MOV10: variants seen among roughly 807,000 people sequenced by gnomAD.
The protein encoded by MOV10 is RNA helicase MOV-10.
In MOV10, 39 loss-of-function variants were observed where a neutral mutation model predicts 108.4. That is an observed-to-expected ratio of 0.36 (90% CI 0.28 to 0.47). The LOEUF (loss-of-function observed/expected upper bound fraction) is 0.47. Ranked by LOEUF, MOV10 falls within the 20% of genes least tolerant of loss-of-function variation. MOV10 has a pLI of 1.00. For missense variants in MOV10, 952 were observed against 1,297.6 expected (o/e 0.73, Z 4.09); for synonymous variants, 490 against 523.1 (o/e 0.94, Z 0.86).
In MOV10 at chr1:112,694,284, C is replaced by T; in HGVS notation, c.1295+112C>T. On this transcript the variant is annotated intron_variant, in intron 8 of 20. Transcript: ENST00000369645. The surrounding 1 kb of genome is among the most constrained non-coding windows in gnomAD (Gnocchi z 4.1). ...TGAGACCCCGGGGCAGAGCAGGAGA[C>T]TTTTCCTCAGGGGTACCCTGAGATG... 6.8e-7 allele frequency: 1 copy of T among 1,471,546 alleles called. No individual in the cohort carries two copies. 91.2% of individuals were successfully genotyped at this position (1,471,546 alleles called of 1,614,324 possible).
Position 112,700,441 on chromosome 1 carries a change from C to G in MOV10, c.2946C>G (p.Pro982=), listed in dbSNP as rs768179593. ...GGCCCCACAGCCATGACTACCTCCC[C>G]CAGGAGCGGGAGGGTGAAGGGGGCC... ...TSGPHSHDYL[P]QEREGEGGLS... is the part of the protein sequence containing the mutation. The change falls in exon 21 of 21, where the codon CCC becomes CCG. Residue 982 remains proline (P), a synonymous_variant. Transcript: ENST00000369645. 1.4e-5 allele frequency: 22 copies of G among 1,613,654 alleles called. No homozygotes were observed. The South Asian group carries it at 2.3e-4, about 17-fold the overall frequency.
At position 112,689,104 on chromosome 1, in the gene MOV10, C is replaced by T. The variant is rs1377443369; in HGVS notation, c.307C>T (p.His103Tyr). The change falls in exon 3 of 21, where the codon CAC becomes TAC. Residue 103 changes from histidine (H) to tyrosine (Y), a missense_variant. Physicochemically the swap from His to Tyr is moderately conservative, Grantham distance 83. Around this residue, in one of 5 missense-constraint regions of MOV10, gnomAD observed 374 missense variants for 468.6 expected, o/e 0.80. Coordinates refer to ENST00000369645, the MANE Select transcript of MOV10 (RefSeq NM_001321324.2). ...GCTGGGGTCAGATATCAGCAAACAC[C>T]ACAAGTCACTGCTAGCCAAGATCTT... ...MKLGSDISKH[H>Y]KSLLAKIFYD... 6 of 1,610,798 alleles carry T rather than the reference C, an allele frequency of 3.7e-6. No homozygotes were observed. Among genetic ancestry groups the T allele is most frequent in the Non-Finnish European group, 5.1e-6 (6 of 1,179,226 alleles).
At chr1:112,700,110 T>C (rs1455969523) in intron 19 of MOV10, 109 bp from the exon 20 acceptor site, 4 of 1,589,966 alleles carry the variant, frequency 2.5e-6, no homozygotes, top group South Asian at 1.1e-5. Context: ...AGCATCACTA[T>C]TGTATTTATA....
intron 20 of MOV10, 36 bp downstream of exon 20, chr1:112,700,376 A>G: frequency 6.2e-7 from 1 of 1,614,020 alleles, no homozygotes; most frequent in Non-Finnish European, 8.5e-7. Flanking sequence ...GTGCCAGAGG[A>G]GGTGGTAAGG....
At chr1:112,686,131 AG>A in intron 2 of MOV10, among the ~76,000 whole-genome samples, 1 of 151,960 alleles carries the variant, frequency 6.6e-6, no homozygotes, top group South Asian at 2.1e-4. Flanking sequence ...TTGATCTGGG[AG>A]CCTGGAGCCA....
Position 112,689,513 on chromosome 1 carries a change from G to C in MOV10, c.440G>C (p.Arg147Pro). 5 of 1,614,100 alleles carry C rather than the reference G, an allele frequency of 3.1e-6. No homozygotes were observed. Among genetic ancestry groups the C allele is most frequent in the Non-Finnish European group, 3.4e-6 (4 of 1,180,022 alleles). ...GQLLIRLDLNRKEVLTLRLRN... is the reference protein window; with the variant it reads ...GQLLIRLDLNPKEVLTLRLRN... ...CTCCTTATCCGCCTGGATTTGAACC[G>C]CAAAGAGGTGCTGACCCTGAGGCTT... The change falls in exon 4 of 21, where the codon CGC (arginine) becomes CCC (proline). Residue 147 changes from arginine (R) to proline (P), a missense_variant. This residue lies in a region of MOV10 where 374 missense variants were observed against 468.6 expected (regional missense o/e 0.80). Transcript: ENST00000369645.
At chr1:112,676,166 C>T (rs1672185798) in intron 2 of MOV10, among the ~76,000 whole-genome samples, 1 of 152,184 alleles carries the variant, frequency 6.6e-6, no homozygotes, top group Admixed American at 6.5e-5. Context: ...TGTTTTATGT[C>T]ACCATGCTGG....
chr1:112,690,979 G>A (rs909018063), intron 5 of MOV10, among the ~76,000 whole-genome samples: 1 of 152,224 alleles, frequency 6.6e-6, no homozygotes, highest in Admixed American at 6.5e-5. Context: ...ACAAAATACT[G>A]AGTTATAAAA....
chr1:112,687,538 T>A (rs1301430993), intron 2 of MOV10, among the ~76,000 whole-genome samples: 1 of 152,222 alleles, frequency 6.6e-6, no homozygotes, highest in African/African-American at 2.4e-5. Context: ...TGGGTATCAG[T>A]AGAGCGGGGA....
intron 2 of MOV10, among the ~76,000 whole-genome samples, chr1:112,681,467 C>T (rs368893221): frequency 1.3e-5 from 2 of 152,072 alleles, no homozygotes; most frequent in South Asian, 4.1e-4. Flanking sequence ...GCACACCAGC[C>T]CGGGCGACAG....
At chr1:112,693,882 G>A in intron 7 of MOV10, 136 bp from the exon 8 acceptor site, 1 of 668,600 alleles carries the variant, frequency 1.5e-6, no homozygotes, top group Non-Finnish European at 2.5e-6. Flanking sequence ...GGGGTGCAGG[G>A]ATAGCATAAC....
At chr1:112,699,333 G>C (rs556761800) in intron 17 of MOV10, 6 of 422,186 alleles carry the variant, frequency 1.4e-5, no homozygotes, top group African/African-American at 8.4e-5. Context: ...AATTCTGATC[G>C]GGGGTCCGGG....
At chr1:112,697,223 A>G (rs1674185284) in intron 14 of MOV10, among the ~76,000 whole-genome samples, 1 of 152,162 alleles carries the variant, frequency 6.6e-6, no homozygotes, top group Non-Finnish European at 1.5e-5. Flanking sequence ...TGGGAGGCCA[A>G]GGTAGGTCAG....
rs779008463 is a variant in MOV10, at chr1:112,698,131, GC to G, written c.2316+24del. On this transcript the variant is annotated intron_variant, in intron 15 of 20. Transcript: ENST00000369645. Reference sequence around the variant, plus strand: ...CGACAGGTGAGGCTGAGCAGGGCAGGCCCCACCCCTGTACCCTGACTTCCCT... The same window carrying G: ...CGACAGGTGAGGCTGAGCAGGGCAGGCCCACCCCTGTACCCTGACTTCCCT... 15 of 1,610,796 alleles carry G rather than the reference GC, an allele frequency of 9.3e-6. No homozygotes were observed. The highest frequency in any genetic ancestry group is 1.3e-5 in the Non-Finnish European group (15 of 1,177,256).
At chr1:112,689,394 C>G (rs745868632) in intron 3 of MOV10, 21 bp from the exon 4 acceptor site, 1 of 1,499,158 alleles carries the variant, frequency 6.7e-7, no homozygotes. Flanking sequence ...CCAACCCCCC[C>G]TTGACTCCCC....
At chr1:112,691,980 T>G (rs996048474) in intron 6 of MOV10, among the ~76,000 whole-genome samples, 181 bp downstream of exon 6, 5 of 152,224 alleles carry the variant, frequency 3.3e-5, no homozygotes, top group African/African-American at 1.2e-4. Context: ...TGGCTCATTT[T>G]AATGGGGGAC....
At chr1:112,699,872 C>A (rs764160450) in intron 18 of MOV10, 22 bp from the exon 19 acceptor site, 12 of 1,613,982 alleles carry the variant, frequency 7.4e-6, no homozygotes, top group Non-Finnish European at 1.0e-5. Flanking sequence ...CCTCCCATGA[C>A]CACACCACTT....
At chr1:112,696,076 T>C (rs1471730507) in intron 11 of MOV10, 72 bp from the exon 12 acceptor site, 5 of 975,218 alleles carry the variant, frequency 5.1e-6, no homozygotes, top group Non-Finnish European at 8.1e-6. Flanking sequence ...TGAGGGGGGG[T>C]ACCCACAGCC....
In MOV10 at chr1:112,689,109, G is replaced by A; in HGVS notation, c.312G>A (p.Lys104=). The A allele has an allele frequency of 6.2e-7, 1 of 1,609,210 alleles. No individual in the cohort carries two copies. Among genetic ancestry groups the A allele is most frequent in the East Asian group, 2.2e-5 (1 of 44,870 alleles). ...KLGSDISKHH[K]SLLAKIFYDR... Reference sequence around the variant, plus strand: ...GGTCAGATATCAGCAAACACCACAAGTCACTGCTAGCCAAGATCTTTTATG... The same window carrying A: ...GGTCAGATATCAGCAAACACCACAAATCACTGCTAGCCAAGATCTTTTATG... The change falls in exon 3 of 21, where the codon AAG becomes AAA. Residue 104 remains lysine, a synonymous_variant. Transcript: ENST00000369645.
Sources: gnomAD v4.1 joint callset for allele counts (sites outside exome capture counted in the v4.1 genomes callset) on GRCh38, gnomAD v4.1.1 for gene constraint, gnomAD v4.1.1 regional missense constraint, Gnocchi (gnomAD v3.1) non-coding constraint, MANE v1.5 for transcripts, NCBI Gene and HGNC (gene_info 2026-07-23, HGNC 2026-07-21) for gene names.